MYT1L: variants seen among roughly 807,000 people sequenced by gnomAD.
The protein encoded by MYT1L is myelin transcription factor 1 like.
A neutral mutation model predicts 126.7 loss-of-function variants in MYT1L; 12 were observed. The observed-to-expected ratio is 0.09, with a 90% CI of 0.06 to 0.15. MYT1L has a LOEUF of 0.15. Ranked by LOEUF, MYT1L falls within the 10% of genes least tolerant of loss-of-function variation. MYT1L has a pLI of 1.00. For missense variants in MYT1L, 979 were observed against 1,585.2 expected (o/e 0.62, Z 6.49); for synonymous variants, 541 against 604.2 (o/e 0.90, Z 1.53).
At chr2:2,152,561 A>G (rs575429310) in intron 3 of MYT1L, among the ~76,000 whole-genome samples, 49 of 152,270 alleles carry the variant, frequency 3.2e-4, no homozygotes, top group Middle Eastern at 6.8e-3. Context: ...ATGGTTAACG[A>G]CAGAGTGAAT....
intron 2 of MYT1L, among the ~76,000 whole-genome samples, chr2:2,247,400 G>T (rs551173960): frequency 6.6e-6 from 1 of 152,108 alleles, no homozygotes; most frequent in Non-Finnish European, 1.5e-5. Flanking sequence ...TTATTAGAGC[G>T]AAAGAGACAG....
intron 3 of MYT1L, among the ~76,000 whole-genome samples, chr2:2,066,386 A>C (rs963772592): frequency 1.3e-5 from 2 of 152,220 alleles, no homozygotes; most frequent in African/African-American, 4.8e-5. Flanking sequence ...CAGACCCTCA[A>C]GAACAGCCCC....
intron 2 of MYT1L, among the ~76,000 whole-genome samples, chr2:2,222,223 G>A (rs928943638): frequency 6.6e-6 from 1 of 152,176 alleles, no homozygotes; most frequent in Non-Finnish European, 1.5e-5. Context: ...CTGGGCATGT[G>A]GCTCAGGCCT....
At chr2:2,069,831 AG>A (rs903416948) in intron 3 of MYT1L, among the ~76,000 whole-genome samples, 1 of 151,574 alleles carries the variant, frequency 6.6e-6, no homozygotes, top group African/African-American at 2.4e-5. Context: ...AGTGATGATG[AG>A]CTTTTTTTGG....
chr2:2,001,151 T>G (rs889109882), intron 4 of MYT1L, among the ~76,000 whole-genome samples: 55 of 152,202 alleles, frequency 3.6e-4, no homozygotes, highest in African/African-American at 1.3e-3. Context: ...TTCCCCCTCT[T>G]TATTTCCTTT....
intron 1 of MYT1L, among the ~76,000 whole-genome samples, chr2:2,305,319 C>A (rs1166359427): frequency 6.6e-6 from 1 of 152,182 alleles, no homozygotes; most frequent in African/African-American, 2.4e-5. Context: ...TGATTATATT[C>A]ATTCCTACAG....
At position 1,922,837 on chromosome 2, in the gene MYT1L, A is replaced by T; in HGVS notation, c.932T>A (p.Met311Lys). The T allele has an allele frequency of 6.2e-7, 1 of 1,613,832 alleles. No individual in the cohort carries two copies. The highest frequency in any genetic ancestry group is 8.5e-7 in the Non-Finnish European group (1 of 1,179,866). ...MLGKPMNNGL[M>K]EKMVEESDEE... is the part of the protein sequence containing the mutation. Reference sequence around the variant, plus strand: ...ATCGCTCTCCTCCACCATCTTTTCCATGAGTCCGTTGTTCATGGGCTTCCC... The same window carrying T: ...ATCGCTCTCCTCCACCATCTTTTCCTTGAGTCCGTTGTTCATGGGCTTCCC... Residue 311 changes from methionine to lysine, a missense_variant, in exon 10 of 25, where the codon ATG (methionine) becomes AAG (lysine). Physicochemically the swap from Met to Lys is moderately conservative, Grantham distance 95. Around this residue, in one of 12 missense-constraint regions of MYT1L, gnomAD observed 243 missense variants for 363.9 expected, o/e 0.67. Transcript: ENST00000647738. The surrounding 1 kb of genome is among the most constrained non-coding windows in gnomAD (Gnocchi z 7.4).
In MYT1L at chr2:1,979,454, T is replaced by C; in HGVS notation, c.89+67A>G. The C allele has an allele frequency of 6.9e-7, 1 of 1,440,798 alleles. No homozygotes were observed. The highest frequency in any genetic ancestry group is 9.8e-7 in the Non-Finnish European group (1 of 1,022,528). The allele number at this position is 1,440,798 out of a possible 1,614,324, so 89.3% of individuals were successfully genotyped here. ...TGCCGATGAGCTGGAAGGTGCAGTGTGCCCATTAGAAGGCGTGAATTTTCC... is the reference window on the plus strand; with the variant it reads ...TGCCGATGAGCTGGAAGGTGCAGTGCGCCCATTAGAAGGCGTGAATTTTCC... On this transcript the variant is annotated intron_variant, in intron 7 of 24. Coordinates refer to ENST00000647738, the MANE Select transcript of MYT1L (RefSeq NM_001303052.2). The surrounding 1 kb of genome is among the most constrained non-coding windows in gnomAD (Gnocchi z 4.0).
At chr2:1,948,625 G>A (rs1204492797) in intron 8 of MYT1L, among the ~76,000 whole-genome samples, 4 of 152,320 alleles carry the variant, frequency 2.6e-5, no homozygotes, top group South Asian at 2.1e-4. Context: ...CTGATGGGGC[G>A]GTGATCTGGA....
intron 3 of MYT1L, among the ~76,000 whole-genome samples, chr2:2,070,333 T>G (rs114906359): frequency 6.6e-6 from 1 of 152,186 alleles, no homozygotes; most frequent in Non-Finnish European, 1.5e-5. Context: ...CTGTCTAACC[T>G]GCGTTGCGAC....
rs79667549 is a variant in MYT1L at position 1,962,775 on chromosome 2, C to T, written c.152+16390G>A. Among the ~76,000 whole-genome samples, 748 of 152,344 alleles carry T rather than the reference C, an allele frequency of 4.9e-3. 6 individuals carry two copies. Among genetic ancestry groups the T allele is most frequent in the African/African-American group, 0.018 (732 of 41,588 alleles). ...TGATTTTATCTCAAGAAACCACCTG[C>T]TTTGCTCAGCCCTAAGAAGCAACAC... is the stretch of plus-strand genomic sequence containing the variant. On this transcript the variant is annotated intron_variant, in intron 8 of 24. Coordinates refer to ENST00000647738, the MANE Select transcript of MYT1L (RefSeq NM_001303052.2).
At chr2:2,178,960 C>CA (rs1208688894) in intron 2 of MYT1L, among the ~76,000 whole-genome samples, 1 of 152,134 alleles carries the variant, frequency 6.6e-6, no homozygotes, top group East Asian at 1.9e-4. Context: ...CTTCAGGGCA[C>CA]ACGGGAGAAG....
chr2:2,290,822 G>T (rs1024723216), intron 1 of MYT1L, among the ~76,000 whole-genome samples: 1 of 152,170 alleles, frequency 6.6e-6, no homozygotes, highest in East Asian at 1.9e-4. Flanking sequence ...GTCCCCTGGT[G>T]ATCCTGATGT....
At chr2:2,091,837 C>T (rs558389497) in intron 3 of MYT1L, among the ~76,000 whole-genome samples, 3 of 152,320 alleles carry the variant, frequency 2.0e-5, no homozygotes, top group Admixed American at 2.0e-4. Flanking sequence ...TTCCTTGAAC[C>T]TCATAAACCA....
At chr2:1,962,052 A>G (rs1277912729) in intron 8 of MYT1L, among the ~76,000 whole-genome samples, 2 of 152,268 alleles carry the variant, frequency 1.3e-5, no homozygotes, top group African/African-American at 4.8e-5. Flanking sequence ...GTACTAAATT[A>G]TCACATGTAC....
intron 14 of MYT1L, among the ~76,000 whole-genome samples, chr2:1,897,505 C>G (rs918480029): frequency 1.3e-5 from 2 of 152,100 alleles, no homozygotes; most frequent in Admixed American, 6.5e-5. Flanking sequence ...CTCTGTCACC[C>G]AGGCTGGAGT....
intron 18 of MYT1L, among the ~76,000 whole-genome samples, chr2:1,877,660 G>C (rs1318744035): frequency 1.3e-5 from 2 of 152,144 alleles, no homozygotes; most frequent in Admixed American, 6.5e-5. Flanking sequence ...CTGGCTGCTC[G>C]CACGCCTGTG....
intron 4 of MYT1L, among the ~76,000 whole-genome samples, chr2:2,026,669 G>T (rs2149875445): frequency 6.6e-6 from 1 of 152,228 alleles, no homozygotes; most frequent in South Asian, 2.1e-4. Flanking sequence ...GGGGTGCCCA[G>T]TGCGGCCTCT....
At chr2:1,876,241 G>A (rs547170373) in intron 18 of MYT1L, among the ~76,000 whole-genome samples, 4 of 152,212 alleles carry the variant, frequency 2.6e-5, no homozygotes, top group African/African-American at 7.2e-5. Flanking sequence ...GGCCCCTCTC[G>A]CTGGGGGTGG....
Sources: allele counts gnomAD v4.1 joint callset (sites outside exome capture counted in the v4.1 genomes callset), GRCh38; gene constraint gnomAD v4.1.1; regional missense constraint gnomAD v4.1.1; non-coding constraint Gnocchi (gnomAD v3.1); transcripts MANE v1.5; gene names NCBI Gene and HGNC (gene_info 2026-07-23, HGNC 2026-07-21).